EPB41: variants seen among roughly 807,000 people sequenced by gnomAD.
The protein encoded by EPB41 is protein 4.1.
Under a neutral mutation model 108.0 loss-of-function variants are expected in EPB41, and 65 were observed. The ratio of observed to expected loss-of-function variants is 0.60; its 90% CI spans 0.49 to 0.74. The LOEUF is 0.74. Among genes scored for constraint, EPB41 ranks in the 30% least tolerant of loss-of-function variants. EPB41 has a pLI of 0.00. For missense variants in EPB41, 875 were observed against 1,037.0 expected, an observed-to-expected ratio of 0.84 and a Z score of 2.15; for synonymous variants, 336 against 358.9, an observed-to-expected ratio of 0.94 and a Z score of 0.72.
Position 28,887,307 on chromosome 1 carries a change from A to T in EPB41, c.-8+97A>T. 1 of 1,213,742 alleles carries T rather than the reference A, an allele frequency of 8.2e-7. No individual in the cohort carries two copies. Among genetic ancestry groups the T allele is most frequent in the Non-Finnish European group, 1.0e-6 (1 of 952,780 alleles). The allele number at this position is 1,213,742 out of a possible 1,614,324, so 75.2% of individuals were successfully genotyped here. On this transcript the variant is annotated intron_variant, in intron 1 of 16. Transcript: ENST00000347529. The surrounding 1 kb of genome is among the most constrained non-coding windows in gnomAD (Gnocchi z 4.9). ...CCCCAAGGGCTCGGACCGTCCCGGG[A>T]GAGGCGAGACCAGGGTCGAAGGGTC...
intron 4 of EPB41, among the ~76,000 whole-genome samples, chr1:29,007,502 G>A (rs2096426783): frequency 6.6e-6 from 1 of 152,138 alleles, no homozygotes; most frequent in African/African-American, 2.4e-5. Context: ...ATTCTCACAA[G>A]TAATAAGCGA....
chr1:29,022,860 C>T (rs1208859991), intron 7 of EPB41, among the ~76,000 whole-genome samples: 1 of 152,032 alleles, frequency 6.6e-6, no homozygotes, highest in African/African-American at 2.4e-5. Context: ...TGGGAGAATT[C>T]AGCTGTCTTC....
intron 1 of EPB41, among the ~76,000 whole-genome samples, chr1:28,900,668 G>C (rs1438255252): frequency 6.6e-6 from 1 of 152,004 alleles, no homozygotes; most frequent in Non-Finnish European, 1.5e-5. Context: ...TTACCTCCCG[G>C]GCTGTCCTGA....
chr1:29,058,308 A>T (rs1376499640), intron 12 of EPB41, among the ~76,000 whole-genome samples: 1 of 152,220 alleles, frequency 6.6e-6, no homozygotes. Flanking sequence ...ATAAGTATAA[A>T]AATATATTTT....
At chr1:28,940,154 G>A (rs2094214833) in intron 1 of EPB41, among the ~76,000 whole-genome samples, 1 of 152,138 alleles carries the variant, frequency 6.6e-6, no homozygotes, top group African/African-American at 2.4e-5. Flanking sequence ...AACTACCAGA[G>A]CTCTTAAACA....
At chr1:29,035,052 G>A (rs1638931292) in intron 9 of EPB41, among the ~76,000 whole-genome samples, 1 of 138,818 alleles carries the variant, frequency 7.2e-6, no homozygotes, top group African/African-American at 2.7e-5. Context: ...CGCCATCTCA[G>A]CTCACCGCAA....
At chr1:28,903,609 C>T (rs954818392) in intron 1 of EPB41, among the ~76,000 whole-genome samples, 1 of 151,980 alleles carries the variant, frequency 6.6e-6, no homozygotes, top group Non-Finnish European at 1.5e-5. Flanking sequence ...GCATGAGCCA[C>T]CATGCCTGGC....
chr1:28,957,960 A>T (rs2095028440), intron 1 of EPB41, among the ~76,000 whole-genome samples: 1 of 152,012 alleles, frequency 6.6e-6, no homozygotes, highest in Non-Finnish European at 1.5e-5. Context: ...GCCATGTGTT[A>T]CTTTTTAATT....
At chr1:29,104,314 T>A (rs968741408) in intron 17 of EPB41, among the ~76,000 whole-genome samples, 54 of 152,376 alleles carry the variant, frequency 3.5e-4, no homozygotes, top group African/African-American at 1.1e-3. Flanking sequence ...ACCATTTTTT[T>A]ATTTATTCAC....
At chr1:28,955,412 A>G (rs1277693853) in intron 1 of EPB41, among the ~76,000 whole-genome samples, 2 of 151,096 alleles carry the variant, frequency 1.3e-5, no homozygotes, top group Non-Finnish European at 2.9e-5. Flanking sequence ...CGTGATCTCC[A>G]CTCGCTGCAA....
chr1:28,934,221 G>A (rs2093884503), intron 1 of EPB41, among the ~76,000 whole-genome samples: 1 of 152,112 alleles, frequency 6.6e-6, no homozygotes, highest in South Asian at 2.1e-4. Flanking sequence ...GTGTTTTTGG[G>A]AGGAAGACCC....
Position 28,994,720 on chromosome 1 carries a change from G to A in EPB41, c.681+1178G>A, listed in dbSNP as rs144706097. Among the ~76,000 whole-genome samples the A allele has an allele frequency of 7.1e-3, 1,063 of 149,908 alleles. 15 individuals are homozygous for A. The highest frequency in any genetic ancestry group is 0.022 in the African/African-American group (909 of 40,762). ...GTTGCCCAGGTTGAAGTGCAGTGGCGCAGTGACAGCTCACTGCAGCCTCAA... is the reference window on the plus strand; with the variant it reads ...GTTGCCCAGGTTGAAGTGCAGTGGCACAGTGACAGCTCACTGCAGCCTCAA... On this transcript the variant is annotated intron_variant, in intron 3 of 20. Transcript: ENST00000343067.
chr1:29,056,090 C>T (rs879316980), intron 12 of EPB41, among the ~76,000 whole-genome samples: 4 of 151,482 alleles, frequency 2.6e-5, no homozygotes, highest in Admixed American at 2.6e-4. Context: ...AAAAATTAGC[C>T]AGGCGTGGTG....
At chr1:29,036,894 A>G (rs1639700133) in intron 10 of EPB41, among the ~76,000 whole-genome samples, 1 of 151,256 alleles carries the variant, frequency 6.6e-6, no homozygotes, top group African/African-American at 2.4e-5. Context: ...GTTAGCCAGG[A>G]TGATCTCGAT....
chr1:29,084,510 C>T (rs1658006002), intron 16 of EPB41, among the ~76,000 whole-genome samples: 1 of 152,136 alleles, frequency 6.6e-6, no homozygotes, highest in African/African-American at 2.4e-5. Flanking sequence ...TTGGGGATTA[C>T]AATTGTGTAA....
chr1:29,056,637 T>C (rs537352766), intron 12 of EPB41, among the ~76,000 whole-genome samples: 1 of 152,214 alleles, frequency 6.6e-6, no homozygotes, highest in East Asian at 1.9e-4. Flanking sequence ...GCGATTCTCC[T>C]TCCTCAGCCT....
intron 9 of EPB41, 56 bp downstream of exon 9, chr1:29,033,301 T>C (rs1019653203): frequency 4.4e-6 from 7 of 1,590,702 alleles, no homozygotes; most frequent in Admixed American, 1.7e-5. Context: ...ATCTGAAATA[T>C]CTACATTTCC....
At position 29,035,812 on chromosome 1, in the gene EPB41, T is replaced by G; in HGVS notation, c.1366-14T>G. 1 of 1,592,870 alleles carries G rather than the reference T, an allele frequency of 6.3e-7. No homozygotes were observed. The highest frequency in any genetic ancestry group is 8.6e-7 in the Non-Finnish European group (1 of 1,160,750). On this transcript the variant is annotated splice_polypyrimidine_tract_variant and intron_variant, in intron 9 of 20. Coordinates refer to ENST00000343067, the MANE Select transcript of EPB41 (RefSeq NM_001376013.1). Reference sequence around the variant, plus strand: ...GTAATACTTCATGTCCCATGTTTATTTGTGTTTTTGTAGCAAGAGCAGTAT... The same window carrying G: ...GTAATACTTCATGTCCCATGTTTATGTGTGTTTTTGTAGCAAGAGCAGTAT...
intron 1 of EPB41, among the ~76,000 whole-genome samples, chr1:28,956,566 A>G (rs748822766): frequency 1.6e-4 from 25 of 152,256 alleles, no homozygotes; most frequent in Admixed American, 3.3e-4. Flanking sequence ...TTGACAAATT[A>G]ATCTTTGTTG....
Sources: allele counts gnomAD v4.1 joint callset (sites outside exome capture counted in the v4.1 genomes callset), GRCh38; gene constraint gnomAD v4.1.1; non-coding constraint Gnocchi (gnomAD v3.1); transcripts MANE v1.5; gene names NCBI Gene and HGNC (gene_info 2026-07-23, HGNC 2026-07-21).